The following KHDRBS3 variants were observed in gnomAD, a reference collection of about 807,000 sequenced individuals.
The protein encoded by KHDRBS3 is KH domain-containing, RNA-binding, signal transduction-associated protein 3.
A neutral mutation model predicts 45.6 loss-of-function variants in KHDRBS3; 23 were observed. The observed-to-expected ratio is 0.50, with a 90% confidence interval of 0.36 to 0.72. The LOEUF (loss-of-function observed/expected upper bound fraction) is 0.72. Ranked by LOEUF, KHDRBS3 falls within the 30% of genes least tolerant of loss-of-function variation. The probability of loss-of-function intolerance (pLI) is 0.00; values close to 1 mark genes in which losing one functional copy is unlikely to be tolerated. For missense variants in KHDRBS3, 352 were observed against 424.8 expected (o/e 0.83, Z 1.51); for synonymous variants, 162 against 156.5 (o/e 1.04, Z -0.26).
intron 7 of KHDRBS3, among the ~76,000 whole-genome samples, chr8:135,642,110 A>G (rs755042022): frequency 1.9e-4 from 29 of 152,236 alleles, no homozygotes; most frequent in Non-Finnish European, 2.8e-4. Flanking sequence ...GTTTCTGAGC[A>G]TGAGGAAGGA....
chr8:135,566,122 A>C (rs1030800846), intron 5 of KHDRBS3, among the ~76,000 whole-genome samples: 1 of 152,292 alleles, frequency 6.6e-6, no homozygotes, highest in Non-Finnish European at 1.5e-5. Flanking sequence ...TACATGATGA[A>C]AGTAGACTAC....
At chr8:135,581,074 G>C (rs1828183699) in intron 5 of KHDRBS3, among the ~76,000 whole-genome samples, 1 of 152,142 alleles carries the variant, frequency 6.6e-6, no homozygotes, top group African/African-American at 2.4e-5. Context: ...TGCTATCCCA[G>C]ACACACTGAA....
chr8:135,558,908 G>A (rs1200564723), intron 5 of KHDRBS3, among the ~76,000 whole-genome samples: 2 of 152,170 alleles, frequency 1.3e-5, no homozygotes, highest in African/African-American at 4.8e-5. Flanking sequence ...GGCTCTAGGG[G>A]AGATTCCTTT....
chr8:135,496,693 T>C (rs2317272), intron 1 of KHDRBS3, among the ~76,000 whole-genome samples: 83,846 of 152,148 alleles, frequency 0.55, 24,232 homozygotes, highest in East Asian at 0.78. Context: ...TATTTATTGC[T>C]ATGTGATCAA....
chr8:135,462,670 G>A lies in KHDRBS3; in HGVS notation c.88+4716G>A, dbSNP rs981898339. 6.6e-5 allele frequency among the ~76,000 whole-genome samples: 10 copies of A among 152,292 alleles called. No individual in the cohort carries two copies. In the South Asian group the frequency reaches 1.5e-3, roughly 22 times the overall value. On this transcript the variant is annotated intron_variant, in intron 1 of 8. Transcript: ENST00000355849. ...CGATACTGGTAACAGCTCAGAGATGGAGAGGTTATTAGCCTAGTTTTTCAG... is the reference window on the plus strand; with the variant it reads ...CGATACTGGTAACAGCTCAGAGATGAAGAGGTTATTAGCCTAGTTTTTCAG...
chr8:135,512,773 C>T (rs1184815220), intron 1 of KHDRBS3, among the ~76,000 whole-genome samples: 1 of 152,154 alleles, frequency 6.6e-6, no homozygotes, highest in Non-Finnish European at 1.5e-5. Context: ...CATGAGCTTA[C>T]CATCTTGTTG....
chr8:135,489,709 G>T (rs7841092), intron 1 of KHDRBS3, among the ~76,000 whole-genome samples: 1 of 152,008 alleles, frequency 6.6e-6, no homozygotes, highest in African/African-American at 2.4e-5. Flanking sequence ...AGTAAAACTA[G>T]AGTCAAAAAG....
At chr8:135,644,950 C>T in intron 7 of KHDRBS3, 109 bp from the exon 8 acceptor site, 3 of 1,117,604 alleles carry the variant, frequency 2.7e-6, no homozygotes, top group Non-Finnish European at 3.9e-6. Context: ...TTTGAATTTT[C>T]AGTCTTGCCC....
rs577540739 is a variant in KHDRBS3, at chr8:135,457,859, C to T, written c.-8C>T. The T allele has an allele frequency of 5.4e-5, 84 of 1,567,264 alleles. No individual in the cohort carries two copies. In the African/African-American group the frequency reaches 8.0e-4, roughly 15 times the overall value. ...GAGTCCACATCCCGGGCCCGGCGGCCGGCGAGCATGGAGGAGAAGTACCTG... is the reference window on the plus strand; with the variant it reads ...GAGTCCACATCCCGGGCCCGGCGGCTGGCGAGCATGGAGGAGAAGTACCTG... On this transcript the variant is annotated 5_prime_UTR_variant, in exon 1 of 9. Transcript: ENST00000355849. This position sits in a 1 kb window ranked among gnomAD's most constrained non-coding sequence, Gnocchi z 4.4.
intron 2 of KHDRBS3, among the ~76,000 whole-genome samples, chr8:135,535,133 C>T (rs1432354561): frequency 1.3e-5 from 2 of 151,670 alleles, no homozygotes; most frequent in Admixed American, 1.3e-4. Flanking sequence ...TTTTCTGTCC[C>T]TAATTTTCTA....
At chr8:135,494,469 G>A (rs191316861) in intron 1 of KHDRBS3, among the ~76,000 whole-genome samples, 5 of 151,714 alleles carry the variant, frequency 3.3e-5, no homozygotes, top group Admixed American at 1.3e-4. Context: ...TAGTAGAGAC[G>A]GGGTTTCACC....
At chr8:135,625,634 A>G in intron 7 of KHDRBS3, 3 of 871,710 alleles carry the variant, frequency 3.4e-6, no homozygotes, top group Non-Finnish European at 5.9e-6. Context: ...CATAATTTGC[A>G]TCAAAAAACT....
intron 5 of KHDRBS3, among the ~76,000 whole-genome samples, chr8:135,569,739 C>G (rs118135073): frequency 6.6e-6 from 1 of 152,098 alleles, no homozygotes; most frequent in Non-Finnish European, 1.5e-5. Context: ...ACAGGGCCTG[C>G]GGCACAGCAG....
chr8:135,588,191 A>G (rs539008580), intron 6 of KHDRBS3, among the ~76,000 whole-genome samples: 5 of 152,204 alleles, frequency 3.3e-5, no homozygotes, highest in African/African-American at 1.2e-4. Context: ...AATTCCCACA[A>G]CCCCTTTCTT....
intron 1 of KHDRBS3, among the ~76,000 whole-genome samples, chr8:135,512,433 G>GGGGC (rs1554620151): frequency 2.2e-5 from 3 of 136,682 alleles, no homozygotes; most frequent in African/African-American, 8.2e-5. Context: ...AAAAGTCGGG[G>GGGGC]GGGGGGTAAT....
At chr8:135,603,355 A>C (rs946921178) in intron 6 of KHDRBS3, among the ~76,000 whole-genome samples, 1 of 152,236 alleles carries the variant, frequency 6.6e-6, no homozygotes, top group African/African-American at 2.4e-5. Flanking sequence ...CTTTTAATTC[A>C]TAAGAATTAT....
chr8:135,493,697 A>G (rs1823271426), intron 1 of KHDRBS3, among the ~76,000 whole-genome samples: 1 of 152,164 alleles, frequency 6.6e-6, no homozygotes, highest in African/African-American at 2.4e-5. Context: ...TTAAAAACTT[A>G]GTAATAACTT....
intron 5 of KHDRBS3, among the ~76,000 whole-genome samples, chr8:135,572,971 G>C (rs1171977147): frequency 6.6e-6 from 1 of 152,218 alleles, no homozygotes; most frequent in Non-Finnish European, 1.5e-5. Flanking sequence ...ATTGTCAAAT[G>C]TATTAGGAAT....
chr8:135,527,575 A>T (rs547746801), intron 2 of KHDRBS3, among the ~76,000 whole-genome samples: 23 of 152,250 alleles, frequency 1.5e-4, no homozygotes, highest in Non-Finnish European at 2.6e-4. Flanking sequence ...GTTTTAGACG[A>T]TGAGGCTTCT....
Sources: gnomAD v4.1 joint callset for allele counts (sites outside exome capture counted in the v4.1 genomes callset) on GRCh38, gnomAD v4.1.1 for gene constraint, Gnocchi (gnomAD v3.1) non-coding constraint, MANE v1.5 for transcripts, NCBI Gene and HGNC (gene_info 2026-07-23, HGNC 2026-07-21) for gene names.